The following C8orf34 variants were observed in gnomAD, a reference collection of about 807,000 sequenced individuals.
C8orf34 encodes uncharacterized protein C8orf34.
C8orf34 carries 65 observed loss-of-function variants against 68.3 expected under a neutral mutation model. The ratio of observed to expected loss-of-function variants is 0.95; its 90% CI spans 0.78 to 1.17. The LOEUF (loss-of-function observed/expected upper bound fraction) is 1.17. C8orf34 is among the 50% of genes most tolerant of loss of function. C8orf34 has a pLI of 0.00. For missense variants in C8orf34, 664 were observed against 655.4 expected (o/e 1.01, Z -0.14); for synonymous variants, 244 against 241.2 (o/e 1.01, Z -0.11).
chr8:68,390,592 A>T (rs2129620642), intron 1 of C8orf34, among the ~76,000 whole-genome samples: 1 of 152,172 alleles, frequency 6.6e-6, no homozygotes, highest in East Asian at 1.9e-4. Flanking sequence ...TGGCTATGGG[A>T]ATTTTATCAA....
chr8:68,700,343 C>T (rs1392745405), intron 8 of C8orf34, among the ~76,000 whole-genome samples: 1 of 151,952 alleles, frequency 6.6e-6, no homozygotes, highest in Non-Finnish European at 1.5e-5. Context: ...AGGTTGCTCA[C>T]CAAGGTGTCA....
At chr8:68,495,290 T>C (rs370956725) in intron 5 of C8orf34, among the ~76,000 whole-genome samples, 2 of 151,588 alleles carry the variant, frequency 1.3e-5, no homozygotes, top group East Asian at 3.9e-4. Flanking sequence ...TATATATATA[T>C]AATAACAATG....
Position 68,518,886 on chromosome 8 carries a change from C to CAAAAAA in C8orf34, c.766-2901_766-2896dup, listed in dbSNP as rs56255310. On this transcript the variant is annotated intron_variant, in intron 5 of 13. Transcript: ENST00000518698. ...TCCAGCCTGGCGACAGAGCAAGACTCAAAAAAAAAAAAAAAAAGGCAAGTA... is the reference window on the plus strand; with the variant it reads ...TCCAGCCTGGCGACAGAGCAAGACTCAAAAAAAAAAAAAAAAAAAAAAAGGCAAGTA... Among the ~76,000 whole-genome samples, 513 of 78,098 alleles carry CAAAAAA rather than the reference C, an allele frequency of 6.6e-3. 8 individuals carry two copies. Among genetic ancestry groups the CAAAAAA allele is most frequent in the African/African-American group, 0.018 (347 of 19,428 alleles). The allele number at this position is 78,098 out of a possible 152,430, so 51.2% of individuals were successfully genotyped here. A position where few individuals can be genotyped will look rare whatever the true frequency, so the allele number is the denominator to read the frequency against.
chr8:68,346,550 C>G (rs777787965), intron 1 of C8orf34, among the ~76,000 whole-genome samples: 7 of 152,112 alleles, frequency 4.6e-5, no homozygotes, highest in Non-Finnish European at 1.0e-4. Flanking sequence ...ATTATAGTGT[C>G]ATACAGAGTA....
chr8:68,790,990 G>T, intron 12 of C8orf34: 1 of 606,860 alleles, frequency 1.6e-6, no homozygotes, highest in South Asian at 2.0e-5. Context: ...TCTTTTTCTA[G>T]GCTTCTTTCC....
intron 6 of C8orf34, among the ~76,000 whole-genome samples, chr8:68,530,893 A>G (rs1026925987): frequency 2.0e-5 from 3 of 152,084 alleles, no homozygotes; most frequent in African/African-American, 7.2e-5. Context: ...ATGTTTTCAT[A>G]TATTTGTTCT....
chr8:68,582,899 G>A (rs1332158183), intron 7 of C8orf34, among the ~76,000 whole-genome samples: 2 of 151,992 alleles, frequency 1.3e-5, no homozygotes, highest in Non-Finnish European at 2.9e-5. Context: ...AAGATAACTG[G>A]GAAAATCAGG....
chr8:68,599,340 A>G (rs910869040), intron 7 of C8orf34, among the ~76,000 whole-genome samples: 4 of 152,068 alleles, frequency 2.6e-5, no homozygotes, highest in Non-Finnish European at 5.9e-5. Flanking sequence ...TGCTTTTAAA[A>G]ATAAAAAATG....
intron 5 of C8orf34, among the ~76,000 whole-genome samples, chr8:68,490,456 G>A (rs1298999676): frequency 6.6e-6 from 1 of 152,066 alleles, no homozygotes; most frequent in Admixed American, 6.6e-5. Flanking sequence ...CTGACACCCA[G>A]TTAAGTGTCA....
intron 7 of C8orf34, among the ~76,000 whole-genome samples, chr8:68,583,430 CA>C (rs1363124714): frequency 6.6e-6 from 1 of 152,130 alleles, no homozygotes; most frequent in Non-Finnish European, 1.5e-5. Flanking sequence ...TACTGTATGA[CA>C]GAGCAAATAT....
At chr8:68,575,449 T>C (rs1816874586) in intron 7 of C8orf34, among the ~76,000 whole-genome samples, 1 of 152,150 alleles carries the variant, frequency 6.6e-6, no homozygotes, top group Non-Finnish European at 1.5e-5. Context: ...TTGTGTTACA[T>C]TACTGCCTAC....
At chr8:68,530,380 A>T (rs1310582125) in intron 6 of C8orf34, among the ~76,000 whole-genome samples, 1 of 152,098 alleles carries the variant, frequency 6.6e-6, no homozygotes, top group African/African-American at 2.4e-5. Context: ...AGTAGTCAAA[A>T]TCAAAAGCGA....
intron 7 of C8orf34, among the ~76,000 whole-genome samples, chr8:68,599,020 T>C (rs532086224): frequency 4.4e-4 from 67 of 152,002 alleles, no homozygotes; most frequent in South Asian, 2.3e-3. Flanking sequence ...AGTGGAATTC[T>C]AGTAGAAAAA....
intron 8 of C8orf34, among the ~76,000 whole-genome samples, chr8:68,697,314 A>T (rs1820864031): frequency 6.6e-6 from 1 of 152,110 alleles, no homozygotes; most frequent in African/African-American, 2.4e-5. Context: ...TTATTGAATT[A>T]TCAGAAGCAG....
At chr8:68,784,802 A>G (rs78348441) in intron 11 of C8orf34, among the ~76,000 whole-genome samples, 171 of 144,494 alleles carry the variant, frequency 1.2e-3, no homozygotes, top group African/African-American at 4.1e-3. Flanking sequence ...ATGTGTGTGT[A>G]TGTGTGTGTG....
intron 5 of C8orf34, among the ~76,000 whole-genome samples, chr8:68,496,029 T>C (rs1446211866): frequency 1.3e-5 from 2 of 152,220 alleles, no homozygotes; most frequent in Admixed American, 6.5e-5. Flanking sequence ...AGACATTTTC[T>C]TTGTTATTCT....
At chr8:68,797,149 C>T (rs1161964868) in intron 12 of C8orf34, among the ~76,000 whole-genome samples, 1 of 152,082 alleles carries the variant, frequency 6.6e-6, no homozygotes, top group Non-Finnish European at 1.5e-5. Context: ...TGTAGAATGC[C>T]TATGCACGTC....
chr8:68,340,398 A>C (rs1806022075), intron 1 of C8orf34, among the ~76,000 whole-genome samples: 1 of 152,204 alleles, frequency 6.6e-6, no homozygotes, highest in Admixed American at 6.5e-5. Flanking sequence ...TGAAATAAGC[A>C]GAAATTTATT....
chr8:68,784,540 A>G (rs1585878479), intron 11 of C8orf34, among the ~76,000 whole-genome samples: 1 of 152,220 alleles, frequency 6.6e-6, no homozygotes, highest in East Asian at 1.9e-4. Context: ...TATTCCCCAC[A>G]TCCTTAAGGG....
Sources: allele counts gnomAD v4.1 joint callset (sites outside exome capture counted in the v4.1 genomes callset), GRCh38; gene constraint gnomAD v4.1.1; transcripts MANE v1.5; gene names NCBI Gene and HGNC (gene_info 2026-07-23, HGNC 2026-07-21).